The following KCNIP1 variants were observed in gnomAD, a reference collection of about 807,000 sequenced individuals.
KCNIP1 encodes the protein potassium voltage-gated channel interacting protein 1, also known as A-type potassium channel modulatory protein KCNIP1.
Under a neutral mutation model 33.0 loss-of-function variants are expected in KCNIP1, and 18 were observed. That is an observed-to-expected ratio of 0.55 (90% CI 0.38 to 0.81). The LOEUF (loss-of-function observed/expected upper bound fraction) is 0.81, where lower values mean the gene tolerates loss of function less well. Ranked by LOEUF, KCNIP1 falls within the 30% of genes least tolerant of loss-of-function variation. The probability of loss-of-function intolerance (pLI) is 0.00; values close to 1 mark genes in which losing one functional copy is unlikely to be tolerated. For missense variants in KCNIP1, 238 were observed against 271.6 expected (o/e 0.88, Z 0.87); for synonymous variants, 93 against 98.3 (o/e 0.95, Z 0.32).
At chr5:170,527,179 CAAGCCATGAAGCT>C (rs1171602993) in intron 1 of KCNIP1, among the ~76,000 whole-genome samples, 3 of 151,956 alleles carry the variant, frequency 2.0e-5, no homozygotes, top group African/African-American at 7.2e-5. Flanking sequence ...CATGGAGCTC[CAAGCCATGAAGCT>C]CTAATATCAG....
chr5:170,490,437 T>A (rs1757182306), intron 1 of KCNIP1, among the ~76,000 whole-genome samples: 1 of 152,184 alleles, frequency 6.6e-6, no homozygotes, highest in African/African-American at 2.4e-5. Flanking sequence ...TACACAAATC[T>A]ATGTGTGTGA....
intron 1 of KCNIP1, among the ~76,000 whole-genome samples, chr5:170,523,184 G>A (rs1431210484): frequency 6.6e-6 from 1 of 152,144 alleles, no homozygotes; most frequent in East Asian, 1.9e-4. Flanking sequence ...GCCCCACCCT[G>A]CCACCGGAAG....
intron 1 of KCNIP1, among the ~76,000 whole-genome samples, chr5:170,397,967 G>T (rs928862935): frequency 2.6e-5 from 4 of 152,210 alleles, no homozygotes; most frequent in Non-Finnish European, 4.4e-5. Flanking sequence ...TATAGAAAGG[G>T]ATGTTGGGGT....
chr5:170,436,325 G>T (rs904418734), intron 1 of KCNIP1, among the ~76,000 whole-genome samples: 3 of 152,214 alleles, frequency 2.0e-5, no homozygotes, highest in African/African-American at 7.2e-5. Context: ...AGGCAGTCAG[G>T]AGGCTACCCT....
chr5:170,712,819 T>A, intron 1 of KCNIP1: 1 of 1,609,768 alleles, frequency 6.2e-7, no homozygotes. Flanking sequence ...TTTCGATGAA[T>A]CGATTTGGTA....
In KCNIP1 at chr5:170,504,360, G is replaced by T. The variant is rs993426642; in HGVS notation, c.-213G>T. ...GCGGTTCCGAAGGCTCGCGGGGAGCGGCTAGCCCTGAGTCCCTGCATGTGC... is the reference window on the plus strand; with the variant it reads ...GCGGTTCCGAAGGCTCGCGGGGAGCTGCTAGCCCTGAGTCCCTGCATGTGC... On this transcript the variant is annotated 5_prime_UTR_variant, in exon 1 of 8. Coordinates refer to ENST00000328939, the MANE Select transcript of KCNIP1 (RefSeq NM_014592.4). This position sits in a 1 kb window ranked among gnomAD's most constrained non-coding sequence, Gnocchi z 6.0. 1.5e-5 allele frequency: 21 copies of T among 1,411,726 alleles called. No homozygotes were observed. In the African/African-American group the frequency reaches 2.9e-4, roughly 20 times the overall value. The allele number at this position is 1,411,726 out of a possible 1,614,324, so 87.4% of individuals were successfully genotyped here.
At chr5:170,723,878 A>T (rs1327868296) in intron 5 of KCNIP1, among the ~76,000 whole-genome samples, 1 of 152,218 alleles carries the variant, frequency 6.6e-6, no homozygotes, top group Non-Finnish European at 1.5e-5. Context: ...CAGCCACTAG[A>T]GAGGCTTTGA....
At chr5:170,405,445 C>T (rs940173493) in intron 1 of KCNIP1, among the ~76,000 whole-genome samples, 2 of 152,208 alleles carry the variant, frequency 1.3e-5, no homozygotes, top group African/African-American at 4.8e-5. Context: ...CTCAGGTGAT[C>T]TGCTCACCTT....
chr5:170,633,736 A>AG (rs1272793867), intron 1 of KCNIP1, among the ~76,000 whole-genome samples: 4 of 34,646 alleles, frequency 1.2e-4, no homozygotes, highest in African/African-American at 1.2e-4. Context: ...GGGGGGACGG[A>AG]GGGGGGGGCG....
At chr5:170,468,986 C>T (rs1756666721) in intron 1 of KCNIP1, among the ~76,000 whole-genome samples, 3 of 152,056 alleles carry the variant, frequency 2.0e-5, no homozygotes. Context: ...ATTACAAGTT[C>T]CTTGTGTTTC....
At chr5:170,493,929 T>C (rs574818031) in intron 1 of KCNIP1, among the ~76,000 whole-genome samples, 1 of 152,162 alleles carries the variant, frequency 6.6e-6, no homozygotes, top group Non-Finnish European at 1.5e-5. Flanking sequence ...ACCTCATCTC[T>C]CACTGCCTCC....
At chr5:170,356,953 G>A (rs961326709) in intron 1 of KCNIP1, among the ~76,000 whole-genome samples, 3 of 152,140 alleles carry the variant, frequency 2.0e-5, no homozygotes, top group Admixed American at 1.3e-4. Flanking sequence ...CTCCAGCCAC[G>A]TAAAACATTC....
chr5:170,370,462 G>C (rs914805971), intron 1 of KCNIP1, among the ~76,000 whole-genome samples: 6 of 152,118 alleles, frequency 3.9e-5, no homozygotes, highest in Admixed American at 3.9e-4. Context: ...CTCCCTGCAG[G>C]CTCCCTCTCA....
intron 5 of KCNIP1, among the ~76,000 whole-genome samples, chr5:170,730,336 T>C (rs2113892470): frequency 6.6e-6 from 1 of 152,276 alleles, no homozygotes; most frequent in Non-Finnish European, 1.5e-5. Flanking sequence ...CTAGGCAGAA[T>C]TCTCCCCATT....
rs543582815 is a variant in KCNIP1, at chr5:170,406,929, G to A, written c.88+52965G>A. 4.3e-4 allele frequency among the ~76,000 whole-genome samples: 66 copies of A among 152,304 alleles called. 1 individual carries two copies. Among genetic ancestry groups the A allele is most frequent in the East Asian group, 1.9e-4 (1 of 5,186 alleles). On this transcript the variant is annotated intron_variant, in intron 1 of 7. Transcript: ENST00000377360. ...CCAAATAAAAACCCCAAGAGATGTG[G>A]GGGCATCAGCTTCCTCAGACTCAAC...
In KCNIP1 at chr5:170,384,896, G is replaced by A. The variant is rs77234359; in HGVS notation, c.88+30932G>A. On this transcript the variant is annotated intron_variant, in intron 1 of 7. Coordinates refer to the KCNIP1 transcript ENST00000377360. ...TGAGGCAAGGAGCTCCCCGTCTCTT[G>A]AGGTATTCATCAGGAGGCTGGATGC... Among the ~76,000 whole-genome samples the A allele has an allele frequency of 6.2e-3, 942 of 152,342 alleles. 12 individuals are homozygous for A. Among genetic ancestry groups the A allele is most frequent in the African/African-American group, 0.021 (856 of 41,578 alleles).
rs538175974 is a variant in KCNIP1 at position 170,537,662 on chromosome 5, C to T, written c.61+33029C>T. Among the ~76,000 whole-genome samples, 12 of 152,306 alleles carry T rather than the reference C, an allele frequency of 7.9e-5. No homozygotes were observed. The South Asian group carries it at 2.3e-3, about 29-fold the overall frequency. On this transcript the variant is annotated intron_variant, in intron 1 of 7. Transcript: ENST00000328939. ...GACTGCGGGCAGGAGGAGAGTGACA[C>T]GAGGTGTCAACTCCCAGGCTCCCTC...
chr5:170,545,820 G>A (rs1400529542), intron 1 of KCNIP1, among the ~76,000 whole-genome samples: 1 of 152,024 alleles, frequency 6.6e-6, no homozygotes. Context: ...TACAATAGCT[G>A]GGTCATCTAT....
At chr5:170,591,944 T>C (rs1029485591) in intron 1 of KCNIP1, among the ~76,000 whole-genome samples, 1 of 152,224 alleles carries the variant, frequency 6.6e-6, no homozygotes. Flanking sequence ...CTGCTTTCAG[T>C]TCTTTTGGAT....
Sources: allele counts gnomAD v4.1 joint callset (sites outside exome capture counted in the v4.1 genomes callset), GRCh38; gene constraint gnomAD v4.1.1; non-coding constraint Gnocchi (gnomAD v3.1); transcripts MANE v1.5; gene names NCBI Gene and HGNC (gene_info 2026-07-23, HGNC 2026-07-21).